The following CELF2 variants were observed in gnomAD, a reference collection of about 807,000 sequenced individuals.
The protein encoded by CELF2 is CUGBP Elav-like family member 2, also known as CUG triplet repeat RNA-binding protein 2.
A neutral mutation model predicts 62.6 loss-of-function variants in CELF2; 8 were observed. The ratio of observed to expected loss-of-function variants is 0.13; its 90% CI spans 0.07 to 0.23. The LOEUF (loss-of-function observed/expected upper bound fraction) is 0.23, where lower values mean the gene tolerates loss of function less well. Among genes scored for constraint, CELF2 ranks in the 10% least tolerant of loss-of-function variants. The probability of loss-of-function intolerance (pLI) is 1.00; values close to 1 mark genes in which losing one functional copy is unlikely to be tolerated. For synonymous variants in CELF2, 258 were observed against 250.0 expected, an observed-to-expected ratio of 1.03 and a Z score of -0.30; for missense variants, 333 against 671.0, an observed-to-expected ratio of 0.50 and a Z score of 5.56.
chr10:11,009,735 G>A (rs954458992), intron 1 of CELF2, among the ~76,000 whole-genome samples: 1 of 152,184 alleles, frequency 6.6e-6, no homozygotes, highest in Admixed American at 6.5e-5. Flanking sequence ...TAGGGAGCAG[G>A]ATTGGCAGCA....
chr10:10,745,032 G>A, the CELF2 span, among the ~76,000 whole-genome samples: 2 of 150,694 alleles, frequency 1.3e-5, no homozygotes, highest in Admixed American at 6.7e-5. Flanking sequence ...GTGAATATGA[G>A]TTTATTCCTG....
chr10:11,099,442 G>A (rs3814634), intron 1 of CELF2, among the ~76,000 whole-genome samples: 1 of 151,970 alleles, frequency 6.6e-6, no homozygotes, highest in Non-Finnish European at 1.5e-5. Context: ...CATTTAAAAT[G>A]ACCTTGGGGT....
chr10:10,763,331 C>T, the CELF2 span, among the ~76,000 whole-genome samples: 1 of 152,184 alleles, frequency 6.6e-6, no homozygotes, highest in African/African-American at 2.4e-5. Context: ...TCATATCCCT[C>T]GTCGTGAGCC....
chr10:10,868,113 T>A (rs937157459), intron 1 of CELF2, among the ~76,000 whole-genome samples: 2 of 152,250 alleles, frequency 1.3e-5, no homozygotes, highest in South Asian at 2.1e-4. Flanking sequence ...CCCAGTTATC[T>A]GTTCCTGTTC....
the CELF2 span, among the ~76,000 whole-genome samples, chr10:10,532,863 C>T: frequency 1.4e-5 from 2 of 144,352 alleles, no homozygotes; most frequent in South Asian, 4.5e-4. Context: ...TGAAGCTATC[C>T]TCTTCTCAAA....
At position 10,936,861 on chromosome 10, in the gene CELF2, CA is replaced by C. The variant is rs1198251954; in HGVS notation, c.89+16866del. 2.0e-5 allele frequency among the ~76,000 whole-genome samples: 3 copies of C among 152,064 alleles called. No individual in the cohort carries two copies. The highest frequency in any genetic ancestry group is 6.6e-5 in the Admixed American group (1 of 15,262). The stretch of plus-strand genomic sequence containing the variant: ...ATGTTCTGATTCAGCTGGTCTGGGG[CA>C]AAACCTGAAATTCTGTATTTCTGAC... On this transcript the variant is annotated intron_variant, in intron 2 of 13. Coordinates refer to the CELF2 transcript ENST00000636488. This position sits in a 1 kb window ranked among gnomAD's most constrained non-coding sequence, Gnocchi z 4.0.
chr10:10,910,481 G>T (rs1289765482), intron 1 of CELF2, among the ~76,000 whole-genome samples: 2 of 151,980 alleles, frequency 1.3e-5, no homozygotes, highest in African/African-American at 4.8e-5. Context: ...GATCATTTGA[G>T]TTCATGAGTT....
intron 9 of CELF2, among the ~76,000 whole-genome samples, chr10:11,313,188 A>C (rs1203409933): frequency 2.6e-5 from 4 of 152,222 alleles, no homozygotes; most frequent in African/African-American, 4.8e-5. Flanking sequence ...AATTAGAAAC[A>C]AAAAGGTTGC....
intron 9 of CELF2, among the ~76,000 whole-genome samples, chr10:11,293,824 G>A (rs1249928323): frequency 3.3e-5 from 5 of 151,950 alleles, no homozygotes; most frequent in Admixed American, 1.3e-4. Flanking sequence ...GTGGAATAGC[G>A]AAGCAAAAAT....
At chr10:10,951,295 C>T (rs767402947) in intron 2 of CELF2, among the ~76,000 whole-genome samples, 1 of 152,214 alleles carries the variant, frequency 6.6e-6, no homozygotes, top group Non-Finnish European at 1.5e-5. Context: ...AGGCATGCAC[C>T]ACCACACCCA....
chr10:10,672,981 G>A, the CELF2 span, among the ~76,000 whole-genome samples: 1 of 151,778 alleles, frequency 6.6e-6, no homozygotes, highest in African/African-American at 2.4e-5. Flanking sequence ...ACAGAGTTTT[G>A]TAGTTTTCCT....
the CELF2 span, among the ~76,000 whole-genome samples, chr10:10,683,629 T>C: frequency 6.6e-6 from 1 of 152,168 alleles, no homozygotes; most frequent in African/African-American, 2.4e-5. Context: ...TTAGGTGACA[T>C]ATGGCGCAGT....
chr10:10,926,314 G>T (rs895006303), intron 2 of CELF2, among the ~76,000 whole-genome samples: 22 of 152,162 alleles, frequency 1.4e-4, no homozygotes, highest in Non-Finnish European at 2.8e-4. Context: ...TGTGGGGGCA[G>T]ATTCACTCCT....
chr10:11,195,519 A>G (rs2057232100), intron 2 of CELF2, among the ~76,000 whole-genome samples: 1 of 152,236 alleles, frequency 6.6e-6, no homozygotes, highest in Non-Finnish European at 1.5e-5. Flanking sequence ...TGTAGAAAGC[A>G]ATGTCACTAA....
rs575212262 is a variant in CELF2, at chr10:11,329,856, A to G, written c.*803A>G. On this transcript the variant is annotated 3_prime_UTR_variant, in exon 13 of 13. Coordinates refer to ENST00000633077, the MANE Select transcript of CELF2 (RefSeq NM_001326342.2). This position sits in a 1 kb window ranked among gnomAD's most constrained non-coding sequence, Gnocchi z 5.5. Reference sequence around the variant, plus strand: ...TAATAATAAATAAATACATAAATACATAAATAAAAAAGAAAGCCACAGGCC... The same window carrying G: ...TAATAATAAATAAATACATAAATACGTAAATAAAAAAGAAAGCCACAGGCC... 1.2e-4 allele frequency: 18 copies of G among 152,208 alleles called. No homozygotes were observed. The highest frequency in any genetic ancestry group is 2.1e-4 in the Non-Finnish European group (14 of 67,994). The allele number at this position is 152,208 out of a possible 1,614,324, so 9.4% of individuals were successfully genotyped here. A position where few individuals can be genotyped will look rare whatever the true frequency, so the allele number is the denominator to read the frequency against.
chr10:11,228,332 TAAA>T (rs369579068), intron 3 of CELF2, among the ~76,000 whole-genome samples: 1 of 152,172 alleles, frequency 6.6e-6, no homozygotes, highest in Non-Finnish European at 1.5e-5. Flanking sequence ...TGATCTCACA[TAAA>T]AAACAAATAA....
At chr10:10,720,663 A>G in the CELF2 span, among the ~76,000 whole-genome samples, 1 of 152,236 alleles carries the variant, frequency 6.6e-6, no homozygotes, top group Non-Finnish European at 1.5e-5. Flanking sequence ...TTAAGATAAT[A>G]TGACACTCTA....
At chr10:10,651,354 T>A in the CELF2 span, among the ~76,000 whole-genome samples, 107 of 148,912 alleles carry the variant, frequency 7.2e-4, no homozygotes, top group African/African-American at 2.6e-3. Context: ...AAGCTCGAAC[T>A]GGGTGGAACC....
intron 1 of CELF2, among the ~76,000 whole-genome samples, chr10:10,885,469 G>T (rs1040208137): frequency 6.6e-6 from 1 of 151,662 alleles, no homozygotes; most frequent in African/African-American, 2.4e-5. Flanking sequence ...AGAATTTATT[G>T]TGATGAACTG....
Sources: allele counts gnomAD v4.1 joint callset (sites outside exome capture counted in the v4.1 genomes callset), GRCh38; gene constraint gnomAD v4.1.1; non-coding constraint Gnocchi (gnomAD v3.1); transcripts MANE v1.5; gene names NCBI Gene and HGNC (gene_info 2026-07-23, HGNC 2026-07-21).